The following SCIN variants were observed in gnomAD, a reference collection of about 807,000 sequenced individuals.
SCIN encodes the protein scinderin, also known as adseverin.
In SCIN, 91 loss-of-function variants were observed where a neutral mutation model predicts 91.8. The ratio of observed to expected loss-of-function variants is 0.99; its 90% CI spans 0.84 to 1.18. The LOEUF (loss-of-function observed/expected upper bound fraction) is 1.18, where lower values mean the gene tolerates loss of function less well. Ranked by LOEUF, SCIN falls within the 50% of genes most tolerant of loss-of-function variation. The pLI is 0.00. For missense variants in SCIN, 1,087 were observed against 863.9 expected (o/e 1.26, Z -3.24); for synonymous variants, 367 against 312.6 (o/e 1.17, Z -1.84).
chr7:12,571,616 T>A, intron 1 of SCIN: 1 of 465,576 alleles, frequency 2.1e-6, no homozygotes, highest in South Asian at 1.6e-5. Flanking sequence ...GCTGGCGTCC[T>A]CAGATAGAAG....
intron 13 of SCIN, among the ~76,000 whole-genome samples, chr7:12,646,684 A>T (rs1562636041): frequency 6.6e-6 from 1 of 152,208 alleles, no homozygotes; most frequent in Admixed American, 6.5e-5. Context: ...TAAAGAATGA[A>T]TTCTTCTTTT....
At chr7:12,604,469 C>T (rs1783029564) in intron 3 of SCIN, 45 bp from the exon 4 acceptor site, 1 of 1,523,468 alleles carries the variant, frequency 6.6e-7, no homozygotes, top group Non-Finnish European at 8.9e-7. Context: ...GGCTGAATGT[C>T]TTCCTCATAT....
At chr7:12,633,006 T>C (rs1001497333) in intron 9 of SCIN, among the ~76,000 whole-genome samples, 1 of 152,176 alleles carries the variant, frequency 6.6e-6, no homozygotes, top group Non-Finnish European at 1.5e-5. Context: ...TGTTGTATGG[T>C]TTGTGGAACT....
rs775721129 is a variant in SCIN, at chr7:12,659,158, A to G, written c.*6443A>G. The G allele has an allele frequency of 6.6e-6, 1 of 152,216 alleles. No homozygotes were observed. Among genetic ancestry groups the G allele is most frequent in the Non-Finnish European group, 1.5e-5 (1 of 68,086 alleles). 9.4% of individuals were successfully genotyped at this position (152,216 alleles called of 1,614,324 possible). A position where few individuals can be genotyped will look rare whatever the true frequency, so the allele number is the denominator to read the frequency against. ...TTTTAAGTAGAGACGGAGTTTTGCC[A>G]TGTTGGCCAGGCTGGTCTTGAACTC... On this transcript the variant is annotated 3_prime_UTR_variant, in exon 16 of 16. Coordinates refer to ENST00000297029, the MANE Select transcript of SCIN (RefSeq NM_001112706.3).
Position 12,657,570 on chromosome 7 carries a change from ATATTTTT to A in SCIN, c.*4857_*4863del, listed in dbSNP as rs1206342917. On this transcript the variant is annotated 3_prime_UTR_variant, in exon 16 of 16. Transcript: ENST00000297029. ...TATATATATATATATATATATATATATATTTTTTTTTTTTTTTTTTTTTTTTTTGCAT... is the reference window on the plus strand; with the variant it reads ...TATATATATATATATATATATATATATTTTTTTTTTTTTTTTTTTTTGCAT... 1.4e-4 allele frequency: 3 copies of A among 20,858 alleles called. No individual in the cohort carries two copies. The highest frequency in any genetic ancestry group is 3.3e-4 in the Non-Finnish European group (3 of 9,146). The allele number at this position is 20,858 out of a possible 1,614,324, so 1.3% of individuals were successfully genotyped here.
intron 3 of SCIN, among the ~76,000 whole-genome samples, chr7:12,582,734 C>G (rs1379075219): frequency 6.6e-6 from 1 of 151,870 alleles, no homozygotes; most frequent in Non-Finnish European, 1.5e-5. Flanking sequence ...TTCCACCCTT[C>G]CATTCTCCCC....
At chr7:12,636,849 T>C (rs1445219045) in intron 10 of SCIN, among the ~76,000 whole-genome samples, 1 of 152,158 alleles carries the variant, frequency 6.6e-6, no homozygotes, top group Non-Finnish European at 1.5e-5. Context: ...GTTACCCTAA[T>C]TTGATCACTA....
rs1185940713 is a variant in SCIN, at chr7:12,656,256, T to A, written c.*3541T>A. The A allele has an allele frequency of 6.6e-6, 1 of 152,190 alleles. No individual in the cohort carries two copies. The highest frequency in any genetic ancestry group is 1.9e-4 in the East Asian group (1 of 5,202). 9.4% of individuals were successfully genotyped at this position (152,190 alleles called of 1,614,324 possible). A position where few individuals can be genotyped will look rare whatever the true frequency, so the allele number is the denominator to read the frequency against. On this transcript the variant is annotated 3_prime_UTR_variant, in exon 16 of 16. Transcript: ENST00000297029. ...AGTCATCAAGCAATTCTTGTCCCAA[T>A]CATTCTCCAAAGCTATATACTGTGA...
At chr7:12,606,882 T>G (rs1446167316) in intron 4 of SCIN, among the ~76,000 whole-genome samples, 1 of 152,256 alleles carries the variant, frequency 6.6e-6, no homozygotes, top group East Asian at 1.9e-4. Context: ...AATCAGACTT[T>G]GAAAAGTATT....
At chr7:12,592,313 C>T (rs1015098391) in intron 3 of SCIN, among the ~76,000 whole-genome samples, 9 of 151,980 alleles carry the variant, frequency 5.9e-5, no homozygotes, top group African/African-American at 2.2e-4. Context: ...GTGAACGAGT[C>T]GGTATGAGCC....
chr7:12,605,582 A>C (rs1783063773), intron 4 of SCIN, among the ~76,000 whole-genome samples: 1 of 152,176 alleles, frequency 6.6e-6, no homozygotes, highest in Admixed American at 6.5e-5. Flanking sequence ...CCTGAAGATA[A>C]ATTTATACAA....
intron 13 of SCIN, among the ~76,000 whole-genome samples, chr7:12,648,019 A>G (rs1398048073): frequency 6.6e-6 from 1 of 152,140 alleles, no homozygotes; most frequent in East Asian, 1.9e-4. Flanking sequence ...GGGAACCATA[A>G]TCCAAACTCC....
intron 3 of SCIN, among the ~76,000 whole-genome samples, chr7:12,598,067 T>A (rs2115242714): frequency 6.6e-6 from 1 of 152,362 alleles, no homozygotes; most frequent in African/African-American, 2.4e-5. Context: ...TGAAACTGTT[T>A]GCTTTACAAT....
intron 10 of SCIN, among the ~76,000 whole-genome samples, chr7:12,636,919 TA>T (rs148676359): frequency 1.5e-4 from 22 of 150,362 alleles, no homozygotes; most frequent in East Asian, 9.8e-4. Context: ...AAAATAAAAT[TA>T]AAAAAAAAGA....
In SCIN at chr7:12,656,104, ACTTATTTCTAG is replaced by A. The variant is rs1471878649; in HGVS notation, c.*3391_*3401del. 1 of 152,086 alleles carries A rather than the reference ACTTATTTCTAG, an allele frequency of 6.6e-6. No individual in the cohort carries two copies. The highest frequency in any genetic ancestry group is 1.5e-5 in the Non-Finnish European group (1 of 68,028). The allele number at this position is 152,086 out of a possible 1,614,324, so 9.4% of individuals were successfully genotyped here. ...AGCTCATCAAATAATATTTCCCACC[ACTTATTTCTAG>A]CAGTTCTGGTAAAGAGAATGGCCTT... On this transcript the variant is annotated 3_prime_UTR_variant, in exon 16 of 16. Coordinates refer to ENST00000297029, the MANE Select transcript of SCIN (RefSeq NM_001112706.3).
chr7:12,625,068 C>T lies in SCIN; in HGVS notation c.818C>T (p.Ser273Leu), dbSNP rs756014687. Reference sequence around the variant, plus strand: ...GTGGTGGCAGAAGAAAACCCCTTCTCAATGGCAATGCTGCTGTCTGAAGAA... The same window carrying T: ...GTGGTGGCAGAAGAAAACCCCTTCTTAATGGCAATGCTGCTGTCTGAAGAA... ...VTVVAEENPF[S>L]MAMLLSEECF... Residue 273 changes from serine to leucine, a missense_variant, in exon 6 of 16, where the codon TCA becomes TTA. Physicochemically the swap from Ser to Leu is moderately radical, Grantham distance 145. Coordinates refer to ENST00000297029, the MANE Select transcript of SCIN (RefSeq NM_001112706.3). 6.3e-7 allele frequency: 1 copy of T among 1,598,272 alleles called. No homozygotes were observed. Among genetic ancestry groups the T allele is most frequent in the Middle Eastern group, 1.7e-4 (1 of 6,044 alleles).
chr7:12,652,045 A>C (rs1784090075), intron 15 of SCIN, 144 bp downstream of exon 15: 1 of 588,530 alleles, frequency 1.7e-6, no homozygotes, highest in African/African-American at 1.9e-5. Flanking sequence ...ACTAAAGAGT[A>C]ATGGGATTTT....
intron 4 of SCIN, among the ~76,000 whole-genome samples, chr7:12,622,319 T>G (rs1344182526): frequency 6.6e-6 from 1 of 152,118 alleles, no homozygotes; most frequent in Non-Finnish European, 1.5e-5. Flanking sequence ...ATGATTTGGG[T>G]GATCAAGAGC....
chr7:12,603,773 T>C (rs1783013282), intron 3 of SCIN, among the ~76,000 whole-genome samples: 1 of 152,120 alleles, frequency 6.6e-6, no homozygotes, highest in African/African-American at 2.4e-5. Flanking sequence ...TGTTAAAGTT[T>C]AATTTTAACA....
Sources: allele counts gnomAD v4.1 joint callset (sites outside exome capture counted in the v4.1 genomes callset), GRCh38; gene constraint gnomAD v4.1.1; transcripts MANE v1.5; gene names NCBI Gene and HGNC (gene_info 2026-07-23, HGNC 2026-07-21).